The following ITGB5 variants were observed in gnomAD, a reference collection of about 807,000 sequenced individuals.
The protein encoded by ITGB5 is integrin beta-5.
In ITGB5, 38 loss-of-function variants were observed where a neutral mutation model predicts 84.8. The observed-to-expected ratio is 0.45, with a 90% CI of 0.35 to 0.59. The LOEUF is 0.59. Ranked by LOEUF, ITGB5 falls within the 20% of genes least tolerant of loss-of-function variation. The pLI is 0.01. For synonymous variants in ITGB5, 393 were observed against 414.4 expected, an observed-to-expected ratio of 0.95 and a Z score of 0.63; for missense variants, 905 against 1,034.5, an observed-to-expected ratio of 0.87 and a Z score of 1.72.
intron 10 of ITGB5, among the ~76,000 whole-genome samples, chr3:124,787,921 T>G (rs903391849): frequency 2.6e-5 from 4 of 151,896 alleles, no homozygotes; most frequent in Middle Eastern, 6.8e-3. Flanking sequence ...TTTTTTTTTT[T>G]TTTTGAGATA....
upstream of ITGB5, chr3:124,887,567 T>C: frequency 3.5e-6 from 1 of 286,518 alleles, no homozygotes; most frequent in Non-Finnish European, 7.4e-6. Flanking sequence ...GCGGAGGCCC[T>C]ACGGGCCCAG....
chr3:124,837,303 C>G (rs1481084015), intron 5 of ITGB5, among the ~76,000 whole-genome samples: 3 of 152,220 alleles, frequency 2.0e-5, no homozygotes, highest in African/African-American at 7.2e-5. Context: ...GAACAAACAA[C>G]TTAGAGTCAA....
chr3:124,794,919 T>C (rs538555423), intron 10 of ITGB5, among the ~76,000 whole-genome samples: 60 of 152,262 alleles, frequency 3.9e-4, no homozygotes, highest in African/African-American at 1.4e-3. Context: ...GTAAGCAGAA[T>C]GTCCAAATCA....
intron 13 of ITGB5, among the ~76,000 whole-genome samples, chr3:124,764,764 T>G (rs1049102060): frequency 5.3e-5 from 8 of 152,220 alleles, no homozygotes; most frequent in African/African-American, 1.9e-4. Flanking sequence ...ACACAGCAAG[T>G]GTGGCAAAGT....
At chr3:124,847,716 T>A (rs1344446769) in intron 4 of ITGB5, among the ~76,000 whole-genome samples, 2 of 152,118 alleles carry the variant, frequency 1.3e-5, no homozygotes, top group Non-Finnish European at 2.9e-5. Context: ...GAAATAAACT[T>A]CCAGCAAGTT....
At chr3:124,817,799 A>T in intron 7 of ITGB5, 89 bp from the exon 8 acceptor site, 1 of 717,020 alleles carries the variant, frequency 1.4e-6, no homozygotes, top group Non-Finnish European at 2.4e-6. Flanking sequence ...TAGAACAGTA[A>T]AGGCTCCTAG....
chr3:124,802,841 A>G (rs982986546), intron 9 of ITGB5, among the ~76,000 whole-genome samples: 10 of 152,138 alleles, frequency 6.6e-5, no homozygotes, highest in African/African-American at 2.4e-4. Flanking sequence ...GTCTTCATCC[A>G]CAGAAAACAA....
intron 1 of ITGB5, among the ~76,000 whole-genome samples, chr3:124,898,156 T>C (rs1935144112): frequency 6.6e-6 from 1 of 151,726 alleles, no homozygotes; most frequent in African/African-American, 2.4e-5. Context: ...AGATGTGGCT[T>C]GATTAGAATA....
At chr3:124,893,710 A>G (rs528017288) in intron 1 of ITGB5, among the ~76,000 whole-genome samples, 2 of 152,238 alleles carry the variant, frequency 1.3e-5, no homozygotes, top group South Asian at 4.1e-4. Context: ...CATATAGTAG[A>G]TCTCAGTAAT....
Position 124,873,442 on chromosome 3 carries a change from A to G in ITGB5, c.156+4T>C, listed in dbSNP as rs150018021. 1.3e-4 allele frequency: 207 copies of G among 1,605,842 alleles called. 1 individual carries two copies. The highest frequency in any genetic ancestry group is 1.7e-4 in the Non-Finnish European group (197 of 1,173,020). The stretch of plus-strand genomic sequence containing the variant: ...CTTCTTCCTCCCCTCCCCCACCTAC[A>G]TACCTCTTTGGAGCACCAGGCACAT... On this transcript the variant is annotated splice_donor_region_variant and intron_variant, in intron 2 of 14. Transcript: ENST00000296181.
intron 4 of ITGB5, among the ~76,000 whole-genome samples, chr3:124,843,041 C>T (rs977729479): frequency 6.6e-6 from 1 of 152,206 alleles, no homozygotes; most frequent in South Asian, 2.1e-4. Context: ...GCCTGGCTTT[C>T]CTTTGTGTTT....
At chr3:124,821,599 C>T in intron 5 of ITGB5, 125 bp from the exon 6 acceptor site, 1 of 1,039,168 alleles carries the variant, frequency 9.6e-7, no homozygotes, top group Middle Eastern at 2.5e-4. Flanking sequence ...GCCATGTGTA[C>T]CTGGGGCACA....
chr3:124,870,109 T>C (rs1485957305), intron 2 of ITGB5, among the ~76,000 whole-genome samples: 1 of 152,182 alleles, frequency 6.6e-6, no homozygotes, highest in East Asian at 1.9e-4. Flanking sequence ...GATTGAAACT[T>C]TGGTTTTTCT....
chr3:124,870,207 A>T (rs1933930455), intron 2 of ITGB5, among the ~76,000 whole-genome samples: 2 of 152,244 alleles, frequency 1.3e-5, no homozygotes, highest in Admixed American at 1.3e-4. Context: ...AAGATAAGAC[A>T]GTTTAGTTTC....
intron 11 of ITGB5, 138 bp downstream of exon 11, chr3:124,773,552 C>T (rs112031683): frequency 1.6e-5 from 11 of 689,250 alleles, no homozygotes; most frequent in African/African-American, 7.2e-5. Context: ...GGTAAGAATG[C>T]GGCTCCCCAG....
chr3:124,839,471 C>T (rs955207763), intron 5 of ITGB5, among the ~76,000 whole-genome samples: 11 of 152,184 alleles, frequency 7.2e-5, no homozygotes, highest in African/African-American at 2.7e-4. Flanking sequence ...TTCAATTCAT[C>T]TAATTGAATA....
intron 5 of ITGB5, among the ~76,000 whole-genome samples, chr3:124,822,550 C>A (rs2107562545): frequency 6.6e-6 from 1 of 152,236 alleles, no homozygotes; most frequent in South Asian, 2.1e-4. Context: ...CTCACTTGCT[C>A]CAGAGGCGGC....
intron 9 of ITGB5, among the ~76,000 whole-genome samples, chr3:124,807,180 C>A (rs1478319656): frequency 6.6e-6 from 1 of 152,198 alleles, no homozygotes; most frequent in Admixed American, 6.5e-5. Context: ...CTTTGGGAGG[C>A]TGCAGTGGAA....
intron 5 of ITGB5, among the ~76,000 whole-genome samples, chr3:124,822,778 A>G (rs2064726777): frequency 6.6e-6 from 1 of 152,234 alleles, no homozygotes; most frequent in Non-Finnish European, 1.5e-5. Context: ...CACTGGGTCC[A>G]CAGAAAAGCT....
Sources: allele counts gnomAD v4.1 joint callset (sites outside exome capture counted in the v4.1 genomes callset), GRCh38; gene constraint gnomAD v4.1.1; transcripts MANE v1.5; gene names NCBI Gene and HGNC (gene_info 2026-07-23, HGNC 2026-07-21).